Variants in TBXAS1 observed in about 807,000 individuals in gnomAD.
TBXAS1 encodes the protein thromboxane A synthase 1.
Under a neutral mutation model 60.7 loss-of-function variants are expected in TBXAS1, and 48 were observed. The ratio of observed to expected loss-of-function variants is 0.79; its 90% confidence interval spans 0.63 to 1.01. The LOEUF is 1.01. TBXAS1 is among the 50% of genes least tolerant of loss of function. The probability of loss-of-function intolerance (pLI) is 0.00; values close to 1 mark genes in which losing one functional copy is unlikely to be tolerated. For missense variants in TBXAS1, 685 were observed against 686.3 expected (o/e 1.00, Z 0.02); for synonymous variants, 287 against 269.7 (o/e 1.06, Z -0.63).
intron 4 of TBXAS1, among the ~76,000 whole-genome samples, chr7:139,797,878 T>C (rs1485653706): frequency 6.6e-6 from 1 of 152,220 alleles, no homozygotes; most frequent in Non-Finnish European, 1.5e-5. Flanking sequence ...TTTGATTCCA[T>C]GCATTACCTC....
intron 9 of TBXAS1, among the ~76,000 whole-genome samples, chr7:140,006,643 A>G (rs1392488087): frequency 1.3e-5 from 2 of 151,976 alleles, no homozygotes. Flanking sequence ...CTATTTCACT[A>G]TTTGCCTTTT....
At chr7:139,814,735 A>G (rs1196118300) in intron 4 of TBXAS1, among the ~76,000 whole-genome samples, 1 of 152,184 alleles carries the variant, frequency 6.6e-6, no homozygotes, top group Non-Finnish European at 1.5e-5. Flanking sequence ...CCTAGGTGCC[A>G]GGGGTGCTAT....
At chr7:139,952,086 T>C (rs910150794) in intron 5 of TBXAS1, among the ~76,000 whole-genome samples, 14 of 152,082 alleles carry the variant, frequency 9.2e-5, no homozygotes, top group African/African-American at 2.4e-4. Flanking sequence ...AGCAGATAGG[T>C]ACTTGCTGTC....
intron 1 of TBXAS1, among the ~76,000 whole-genome samples, chr7:139,780,564 C>T (rs1250622449): frequency 6.6e-6 from 1 of 152,246 alleles, no homozygotes; most frequent in Non-Finnish European, 1.5e-5. Context: ...CACAACACTA[C>T]AAACTCGATA....
At chr7:139,862,274 A>G (rs1345065135) in intron 1 of TBXAS1, among the ~76,000 whole-genome samples, 1 of 152,212 alleles carries the variant, frequency 6.6e-6, no homozygotes, top group African/African-American at 2.4e-5. Context: ...TAAGGAAAGG[A>G]GCCAGCAAAG....
intron 4 of TBXAS1, among the ~76,000 whole-genome samples, chr7:139,817,768 T>A (rs531058627): frequency 6.6e-6 from 1 of 152,220 alleles, no homozygotes; most frequent in Non-Finnish European, 1.5e-5. Context: ...ATATCCTTCT[T>A]AGAAAATCTA....
rs142321964 is a variant in TBXAS1, at chr7:139,790,678, C to G, written c.-80+3252C>G. ...ATGGCAGACCATGTTTTTCTTGCACCTATGAATTCATTCTGATGGATAAGA... is the reference window on the plus strand; with the variant it reads ...ATGGCAGACCATGTTTTTCTTGCACGTATGAATTCATTCTGATGGATAAGA... On this transcript the variant is annotated intron_variant, in intron 4 of 16. Coordinates refer to the TBXAS1 transcript ENST00000336425. Among the ~76,000 whole-genome samples, 1,432 of 152,290 alleles carry G rather than the reference C, an allele frequency of 9.4e-3. 24 individuals carry two copies. Among genetic ancestry groups the G allele is most frequent in the African/African-American group, 0.032 (1,346 of 41,546 alleles).
rs1240491236 is a variant in TBXAS1, at chr7:139,918,491, C to T, written c.333+7170C>T. Reference sequence around the variant, plus strand: ...GGAACACCCTTGTCCTTCTTGAACACTGCTTCTGGCCAGAAACTCTGCTGA... The same window carrying T: ...GGAACACCCTTGTCCTTCTTGAACATTGCTTCTGGCCAGAAACTCTGCTGA... On this transcript the variant is annotated intron_variant, in intron 4 of 12. Transcript: ENST00000448866. Among the ~76,000 whole-genome samples, 5 of 152,166 alleles carry T rather than the reference C, an allele frequency of 3.3e-5. No individual in the cohort carries two copies. In the South Asian group the frequency reaches 1.0e-3, roughly 32 times the overall value.
intron 9 of TBXAS1, among the ~76,000 whole-genome samples, chr7:139,983,655 C>T (rs1812120596): frequency 6.6e-6 from 1 of 152,210 alleles, no homozygotes; most frequent in Non-Finnish European, 1.5e-5. Context: ...AAACAACATA[C>T]AGAACTTTCT....
Position 139,852,314 on chromosome 7 carries a change from C to T in TBXAS1, c.90-19921C>T, listed in dbSNP as rs1473719681. Among the ~76,000 whole-genome samples the T allele has an allele frequency of 6.6e-6, 1 of 152,176 alleles. No individual in the cohort carries two copies. The highest frequency in any genetic ancestry group is 1.5e-5 in the Non-Finnish European group (1 of 68,040). On this transcript the variant is annotated intron_variant, in intron 1 of 12. Coordinates refer to ENST00000448866, the MANE Select transcript of TBXAS1 (RefSeq NM_001061.7). The surrounding 1 kb of genome is among the most constrained non-coding windows in gnomAD (Gnocchi z 4.4). ...TAATAATGGAAGGGATTATAAGTTG[C>T]AGGGAGCAGGCAAGAGGCCAAACCC...
chr7:139,900,248 C>T (rs879333361), intron 3 of TBXAS1, among the ~76,000 whole-genome samples: 1 of 152,140 alleles, frequency 6.6e-6, no homozygotes, highest in African/African-American at 2.4e-5. Context: ...TTTACAGTTC[C>T]AGTAAACTAC....
intron 1 of TBXAS1, among the ~76,000 whole-genome samples, chr7:139,838,094 G>C (rs1644066160): frequency 1.3e-5 from 2 of 152,110 alleles, no homozygotes; most frequent in African/African-American, 4.8e-5. Context: ...CAAACCCTAA[G>C]GCCTCCTCCA....
At chr7:139,856,465 G>A (rs1169583732) in intron 1 of TBXAS1, among the ~76,000 whole-genome samples, 5 of 152,142 alleles carry the variant, frequency 3.3e-5, no homozygotes, top group Non-Finnish European at 5.9e-5. Flanking sequence ...GGAAAGGAGA[G>A]CTTTATTTCT....
At chr7:139,940,492 G>A (rs918227211) in intron 5 of TBXAS1, among the ~76,000 whole-genome samples, 3 of 152,060 alleles carry the variant, frequency 2.0e-5, no homozygotes, top group African/African-American at 4.8e-5. Context: ...CGCATGTCAC[G>A]AGTTCCCTGG....
At chr7:139,844,181 A>T (rs1799650768) in intron 1 of TBXAS1, among the ~76,000 whole-genome samples, 1 of 152,182 alleles carries the variant, frequency 6.6e-6, no homozygotes, top group African/African-American at 2.4e-5. Flanking sequence ...GAGCACTCAA[A>T]GTCTGAGTGG....
At chr7:139,902,364 C>T (rs915886679) in intron 3 of TBXAS1, among the ~76,000 whole-genome samples, 1 of 152,072 alleles carries the variant, frequency 6.6e-6, no homozygotes. Context: ...AATCATACAG[C>T]ATGTAATCTA....
rs1813920344 is a variant in TBXAS1 at position 140,004,649 on chromosome 7, AAGGGCCCTGTCAGCCACC to A, written c.1135-2439_1135-2422del. On this transcript the variant is annotated intron_variant, in intron 9 of 12. Coordinates refer to ENST00000448866, the MANE Select transcript of TBXAS1 (RefSeq NM_001061.7). This position sits in a 1 kb window ranked among gnomAD's most constrained non-coding sequence, Gnocchi z 5.1. ...GGAGTCCAGACCCTTCCAGGCATCC[AAGGGCCCTGTCAGCCACC>A]AGACACATGCACTGAGACCCAGCCA... Among the ~76,000 whole-genome samples, 1 of 152,126 alleles carries A rather than the reference AAGGGCCCTGTCAGCCACC, an allele frequency of 6.6e-6. No individual in the cohort carries two copies. Among genetic ancestry groups the A allele is most frequent in the African/African-American group, 2.4e-5 (1 of 41,410 alleles).
chr7:139,958,483 G>C (rs1410949417), intron 8 of TBXAS1, among the ~76,000 whole-genome samples: 2 of 152,194 alleles, frequency 1.3e-5, no homozygotes, highest in Non-Finnish European at 2.9e-5. Flanking sequence ...TAAAGCCCTT[G>C]TCACATTAAA....
chr7:139,860,971 C>T (rs541031701), intron 1 of TBXAS1, among the ~76,000 whole-genome samples: 4 of 152,038 alleles, frequency 2.6e-5, no homozygotes, highest in East Asian at 1.9e-4. Flanking sequence ...GTCAGGAGTT[C>T]GAGACCAGCC....
Sources: allele counts gnomAD v4.1 joint callset (sites outside exome capture counted in the v4.1 genomes callset), GRCh38; gene constraint gnomAD v4.1.1; non-coding constraint Gnocchi (gnomAD v3.1); transcripts MANE v1.5; gene names NCBI Gene and HGNC (gene_info 2026-07-23, HGNC 2026-07-21).